SLC24A2: variants seen among roughly 807,000 people sequenced by gnomAD.
SLC24A2 encodes the protein solute carrier family 24 member 2.
Under a neutral mutation model 62.0 loss-of-function variants are expected in SLC24A2, and 36 were observed. The ratio of observed to expected loss-of-function variants is 0.58; its 90% CI spans 0.44 to 0.77. SLC24A2 has a LOEUF of 0.77. Ranked by LOEUF, SLC24A2 falls within the 30% of genes least tolerant of loss-of-function variation. The pLI is 0.00. For synonymous variants in SLC24A2, 358 were observed against 294.0 expected (o/e 1.22, Z -2.23); for missense variants, 846 against 817.9 (o/e 1.03, Z -0.42).
At chr9:20,181,905 C>A in the SLC24A2 span, among the ~76,000 whole-genome samples, 1 of 152,238 alleles carries the variant, frequency 6.6e-6, no homozygotes, top group Non-Finnish European at 1.5e-5. Flanking sequence ...GGGCTAATAT[C>A]CAGAATCTAC....
chr9:19,671,760 A>T (rs1819423742), intron 2 of SLC24A2, among the ~76,000 whole-genome samples: 1 of 151,716 alleles, frequency 6.6e-6, no homozygotes, highest in African/African-American at 2.4e-5. Context: ...GCTTTTAATC[A>T]TAAATAGATG....
chr9:20,295,039 T>C, the SLC24A2 span, among the ~76,000 whole-genome samples: 1 of 128,936 alleles, frequency 7.8e-6, no homozygotes, highest in Non-Finnish European at 1.7e-5. Flanking sequence ...TATATATGTA[T>C]ATATATATAT....
chr9:20,248,956 T>C, the SLC24A2 span, among the ~76,000 whole-genome samples: 1 of 152,200 alleles, frequency 6.6e-6, no homozygotes, highest in African/African-American at 2.4e-5. Context: ...TGGAAGTTGC[T>C]GAATGTAGAC....
the SLC24A2 span, among the ~76,000 whole-genome samples, chr9:20,077,855 G>T: frequency 6.6e-6 from 1 of 152,072 alleles, no homozygotes; most frequent in African/African-American, 2.4e-5. Context: ...AAAAAAAATA[G>T]GGTGACTTTT....
At chr9:20,135,308 T>G in the SLC24A2 span, among the ~76,000 whole-genome samples, 7 of 137,982 alleles carry the variant, frequency 5.1e-5, no homozygotes, top group East Asian at 2.3e-4. Context: ...CAATTTAAAA[T>G]TTTAATTTTT....
the SLC24A2 span, among the ~76,000 whole-genome samples, chr9:20,273,943 T>A: frequency 6.6e-6 from 1 of 152,204 alleles, no homozygotes; most frequent in Admixed American, 6.5e-5. Flanking sequence ...TTTCTCTTGT[T>A]AATCTTTCTT....
At chr9:20,040,842 CT>C in the SLC24A2 span, among the ~76,000 whole-genome samples, 1 of 152,192 alleles carries the variant, frequency 6.6e-6, no homozygotes, top group African/African-American at 2.4e-5. Context: ...AGTTTTAATC[CT>C]CACAACAAGC....
At chr9:20,119,940 C>G in the SLC24A2 span, among the ~76,000 whole-genome samples, 1 of 152,132 alleles carries the variant, frequency 6.6e-6, no homozygotes, top group East Asian at 1.9e-4. Flanking sequence ...TTATTGCCTT[C>G]CAGTTTTGTA....
At chr9:19,781,737 A>C (rs535599821) in intron 2 of SLC24A2, among the ~76,000 whole-genome samples, 1 of 152,290 alleles carries the variant, frequency 6.6e-6, no homozygotes, top group East Asian at 1.9e-4. Flanking sequence ...TCTATCAAGT[A>C]ATACATCTTT....
chr9:19,543,622 C>T lies in SLC24A2; in HGVS notation c.1479+6515G>A, dbSNP rs527703559. On this transcript the variant is annotated intron_variant, in intron 8 of 10. Coordinates refer to ENST00000341998, the MANE Select transcript of SLC24A2 (RefSeq NM_020344.4). Reference sequence around the variant, plus strand: ...CTTTAAATGTGTCCCAGAGATTGTACGTTGTGTTGTTAGTTCTCATTGGTT... The same window carrying T: ...CTTTAAATGTGTCCCAGAGATTGTATGTTGTGTTGTTAGTTCTCATTGGTT... 1.1e-4 allele frequency among the ~76,000 whole-genome samples: 16 copies of T among 151,936 alleles called. 1 individual carries two copies. Among genetic ancestry groups the T allele is most frequent in the South Asian group, 4.2e-4 (2 of 4,802 alleles).
chr9:19,694,584 A>G (rs1175836922), intron 2 of SLC24A2, among the ~76,000 whole-genome samples: 9 of 152,234 alleles, frequency 5.9e-5, no homozygotes, highest in Non-Finnish European at 1.0e-4. Flanking sequence ...TAGGTATAAT[A>G]TGCATCAAGG....
chr9:20,020,812 G>A, the SLC24A2 span, among the ~76,000 whole-genome samples: 4 of 152,142 alleles, frequency 2.6e-5, no homozygotes, highest in Non-Finnish European at 5.9e-5. Context: ...GTAGAGCCAC[G>A]AACACTTTTA....
At chr9:19,693,693 A>G (rs151190808) in intron 2 of SLC24A2, among the ~76,000 whole-genome samples, 161 of 152,218 alleles carry the variant, frequency 1.1e-3, no homozygotes, top group African/African-American at 3.9e-3. Context: ...GGTCAGTTTC[A>G]TTTTGTTTTT....
chr9:20,141,293 A>T, the SLC24A2 span, among the ~76,000 whole-genome samples: 1 of 152,166 alleles, frequency 6.6e-6, no homozygotes, highest in South Asian at 2.1e-4. Flanking sequence ...TCCCCGGCCT[A>T]CGCTCGCTGT....
chr9:20,298,902 G>C, the SLC24A2 span, among the ~76,000 whole-genome samples: 82 of 152,318 alleles, frequency 5.4e-4, no homozygotes, highest in African/African-American at 1.9e-3. Flanking sequence ...GGCAGACTGA[G>C]GCTCATATGA....
intron 7 of SLC24A2, among the ~76,000 whole-genome samples, chr9:19,559,425 G>A (rs1835282758): frequency 6.6e-6 from 1 of 152,122 alleles, no homozygotes; most frequent in Admixed American, 6.5e-5. Flanking sequence ...ACAGCACTAA[G>A]GAGAAAATAC....
the SLC24A2 span, among the ~76,000 whole-genome samples, chr9:19,824,820 C>T: frequency 3.3e-5 from 5 of 152,180 alleles, no homozygotes; most frequent in Non-Finnish European, 5.9e-5. Context: ...CACATATACA[C>T]CATAGAACAC....
chr9:20,174,676 G>A, the SLC24A2 span, among the ~76,000 whole-genome samples: 2 of 151,986 alleles, frequency 1.3e-5, no homozygotes, highest in Non-Finnish European at 2.9e-5. Context: ...TGCAAGAATG[G>A]CCATAAACAA....
chr9:20,059,316 T>A, the SLC24A2 span, among the ~76,000 whole-genome samples: 91 of 152,272 alleles, frequency 6.0e-4, 1 homozygote, highest in East Asian at 0.016. Flanking sequence ...CAGACATACA[T>A]AGAAAACTCC....
Sources: gnomAD v4.1 joint callset for allele counts (sites outside exome capture counted in the v4.1 genomes callset) on GRCh38, gnomAD v4.1.1 for gene constraint, MANE v1.5 for transcripts, NCBI Gene and HGNC (gene_info 2026-07-23, HGNC 2026-07-21) for gene names.